Variants in ZYG11A observed in about 807,000 individuals in gnomAD.
ZYG11A encodes protein zyg-11 homolog A.
A neutral mutation model predicts 77.2 loss-of-function variants in ZYG11A; 62 were observed. That is an observed-to-expected ratio of 0.80 (90% confidence interval 0.65 to 0.99). The LOEUF (loss-of-function observed/expected upper bound fraction) is 0.99. Among genes scored for constraint, ZYG11A ranks in the 50% least tolerant of loss-of-function variants. The pLI, the probability that ZYG11A is intolerant of heterozygous loss-of-function variation, is 0.00. For synonymous variants in ZYG11A, 315 were observed against 324.6 expected, an observed-to-expected ratio of 0.97 and a Z score of 0.32; for missense variants, 828 against 896.8, an observed-to-expected ratio of 0.92 and a Z score of 0.98.
At chr1:52,873,938 C>T (rs538140860) in intron 8 of ZYG11A, among the ~76,000 whole-genome samples, 3 of 151,666 alleles carry the variant, frequency 2.0e-5, no homozygotes, top group East Asian at 1.9e-4. Flanking sequence ...GAGCCGAGAT[C>T]GCGCCACTGC....
chr1:52,857,811 T>C (rs976670902), intron 3 of ZYG11A, 62 bp downstream of exon 3: 4 of 1,433,380 alleles, frequency 2.8e-6, no homozygotes, highest in Non-Finnish European at 3.7e-6. Flanking sequence ...ACTCGTGCTA[T>C]AGACCAGACT....
rs762312912 is a variant in ZYG11A, at chr1:52,864,174, ATTTG to A, written c.1326+23_1326+26del. On this transcript the variant is annotated intron_variant, in intron 5 of 13. Transcript: ENST00000371528. ...TACCAGCAGGTAATTTCAATTGAATATTTGTTTGTGCTTTTTTTGTTGTTGTTAA... is the reference window on the plus strand; with the variant it reads ...TACCAGCAGGTAATTTCAATTGAATATTTGTGCTTTTTTTGTTGTTGTTAA... 1.2e-5 allele frequency: 18 copies of A among 1,549,094 alleles called. No homozygotes were observed. Among genetic ancestry groups the A allele is most frequent in the Non-Finnish European group, 1.6e-5 (18 of 1,145,458 alleles).
intron 2 of ZYG11A, among the ~76,000 whole-genome samples, chr1:52,855,742 C>T (rs775016955): frequency 1.8e-4 from 28 of 152,160 alleles, no homozygotes; most frequent in African/African-American, 5.8e-4. Flanking sequence ...TATCTGTACT[C>T]GTTCCTTTTT....
intron 3 of ZYG11A, 137 bp from the exon 4 acceptor site, chr1:52,860,594 G>A: frequency 1.0e-6 from 1 of 979,342 alleles, no homozygotes; most frequent in South Asian, 1.7e-5. Flanking sequence ...ACTGCGCCTG[G>A]CCAACACCTG....
intron 11 of ZYG11A, among the ~76,000 whole-genome samples, chr1:52,883,648 A>G (rs1204677756): frequency 1.3e-5 from 2 of 151,980 alleles, no homozygotes; most frequent in African/African-American, 2.4e-5. Context: ...GCTAGTCGCA[A>G]ACTCCTGACC....
chr1:52,864,729 C>CTGCCTCCTGGGTT (rs1259513049), intron 5 of ZYG11A, among the ~76,000 whole-genome samples: 4 of 151,922 alleles, frequency 2.6e-5, no homozygotes, highest in Admixed American at 6.6e-5. Context: ...ACCGCAACCT[C>CTGCCTCCTGGGTT]CGCCTCCTGG....
In ZYG11A at chr1:52,864,123, T is replaced by C. The variant is rs1301648298; in HGVS notation, c.1292T>C (p.Phe431Ser). ...TTGTCAGAGGTCACCTGTCTACTTTTCAAGGCTCTGAAAAATTTCCCCCAT... is the reference window on the plus strand; with the variant it reads ...TTGTCAGAGGTCACCTGTCTACTTTCCAAGGCTCTGAAAAATTTCCCCCAT... ...RLLSEVTCLL[F>S]KALKNFPHYQ... Residue 431 changes from phenylalanine to serine, a missense_variant, in exon 5 of 14, where the codon TTC (phenylalanine) becomes TCC (serine). Coordinates refer to ENST00000371528, the MANE Select transcript of ZYG11A (RefSeq NM_001004339.3). The C allele has an allele frequency of 1.3e-6, 2 of 1,551,640 alleles. No individual in the cohort carries two copies. The highest frequency in any genetic ancestry group is 2.4e-5 in the South Asian group (2 of 83,948).
chr1:52,847,869 TTTATTTATTTA>T (rs1558157027), intron 1 of ZYG11A, among the ~76,000 whole-genome samples: 3 of 86,136 alleles, frequency 3.5e-5, no homozygotes, highest in Non-Finnish European at 5.3e-5. Flanking sequence ...TATTTATTTA[TTTATTTATTTA>T]TTTTTTTGAG....
intron 1 of ZYG11A, among the ~76,000 whole-genome samples, chr1:52,845,894 C>G (rs1425140458): frequency 6.6e-6 from 1 of 151,708 alleles, no homozygotes; most frequent in Non-Finnish European, 1.5e-5. Flanking sequence ...AGGCTAGTCT[C>G]AGACTTCTGG....
At chr1:52,887,266 T>TA (rs1469892203) in intron 13 of ZYG11A, among the ~76,000 whole-genome samples, 1 of 152,138 alleles carries the variant, frequency 6.6e-6, no homozygotes, top group Non-Finnish European at 1.5e-5. Context: ...AAATAAAAAG[T>TA]AAAAGTTTGC....
chr1:52,877,792 C>T lies in ZYG11A; in HGVS notation c.1653C>T (p.Cys551=). 1.9e-6 allele frequency: 3 copies of T among 1,551,756 alleles called. No individual in the cohort carries two copies. The highest frequency in any genetic ancestry group is 2.6e-6 in the Non-Finnish European group (3 of 1,147,010). ...TTACAGATGGGTCTCCAGCTGCCTG[C>T]AAGCACTTCATTGAAAATCAAGGAT... ...WNLTDGSPAA[C]KHFIENQGLQ... Residue 551 remains cysteine (C), a synonymous_variant, in exon 9 of 14, where the codon TGC becomes TGT. Coordinates refer to ENST00000371528, the MANE Select transcript of ZYG11A (RefSeq NM_001004339.3).
chr1:52,861,716 G>T (rs1280787607), intron 4 of ZYG11A, among the ~76,000 whole-genome samples: 1 of 151,922 alleles, frequency 6.6e-6, no homozygotes, highest in East Asian at 1.9e-4. Context: ...TATTTTTACA[G>T]CATGGGAGAT....
chr1:52,874,392 A>G (rs2076148684), intron 8 of ZYG11A, among the ~76,000 whole-genome samples: 1 of 151,744 alleles, frequency 6.6e-6, no homozygotes, highest in South Asian at 2.1e-4. Context: ...CCACAGGTGC[A>G]TATCACTACA....
chr1:52,846,338 A>C lies in ZYG11A; in HGVS notation c.90+3365A>C, dbSNP rs866477984. On this transcript the variant is annotated intron_variant, in intron 1 of 13. Coordinates refer to ENST00000371528, the MANE Select transcript of ZYG11A (RefSeq NM_001004339.3). Reference sequence around the variant, plus strand: ...TATATATATATATATATATATATATATATATATATATATATATATATATAT... The same window carrying C: ...TATATATATATATATATATATATATCTATATATATATATATATATATATAT... Among the ~76,000 whole-genome samples the C allele has an allele frequency of 5.8e-4, 60 of 104,340 alleles. 3 individuals are homozygous for C. Among genetic ancestry groups the C allele is most frequent in the African/African-American group, 2.4e-3 (51 of 21,612 alleles). 68.5% of individuals were successfully genotyped at this position (104,340 alleles called of 152,430 possible). A position where few individuals can be genotyped will look rare whatever the true frequency, so the allele number is the denominator to read the frequency against.
At chr1:52,883,942 T>TGATCATAGCTCACTGCCGC (rs138249522) in intron 11 of ZYG11A, among the ~76,000 whole-genome samples, 4,128 of 151,988 alleles carry the variant, frequency 0.027, 210 homozygotes, top group African/African-American at 0.095. Context: ...TGCAATGGCA[T>TGATCATAGCTCACTGCCGC]GATCATAGCT....
rs1223228284 is a variant in ZYG11A at position 52,864,055 on chromosome 1, C to T, written c.1224C>T (p.Asn408=). The T allele has an allele frequency of 1.9e-6, 3 of 1,551,738 alleles. No individual in the cohort carries two copies. The highest frequency in any genetic ancestry group is 2.4e-5 in the East Asian group (1 of 40,934). ...TCACAGCCAGTGCTTGCGCTCTCAA[C>T]CTAACACGCCAGGGCCTGGCCAAGG... ...VQFTASACAL[N]LTRQGLAKGM... is the part of the protein sequence containing the mutation. The change falls in exon 5 of 14, where the codon AAC becomes AAT. Residue 408 remains asparagine (N), a synonymous_variant. Transcript: ENST00000371528.
At chr1:52,885,715 T>G in intron 11 of ZYG11A, 118 bp from the exon 12 acceptor site, 1 of 690,346 alleles carries the variant, frequency 1.4e-6, no homozygotes, top group Non-Finnish European at 2.5e-6. Flanking sequence ...GTTATGTGAT[T>G]GATATTTTGC....
At chr1:52,892,186 A>G (rs750915982) in intron 13 of ZYG11A, among the ~76,000 whole-genome samples, 2 of 70,630 alleles carry the variant, frequency 2.8e-5, no homozygotes, top group Non-Finnish European at 5.5e-5. Flanking sequence ...GGCGTGAGCC[A>G]CTGCGCCCAG....
At chr1:52,890,522 C>T (rs753220010) in intron 13 of ZYG11A, among the ~76,000 whole-genome samples, 32 of 151,784 alleles carry the variant, frequency 2.1e-4, no homozygotes, top group African/African-American at 7.3e-4. Context: ...GCATGAGCCA[C>T]GACACCTGGC....
Sources: allele counts gnomAD v4.1 joint callset (sites outside exome capture counted in the v4.1 genomes callset), GRCh38; gene constraint gnomAD v4.1.1; transcripts MANE v1.5; gene names NCBI Gene and HGNC (gene_info 2026-07-23, HGNC 2026-07-21).